BACH2: variants seen among roughly 807,000 people sequenced by gnomAD.
The protein encoded by BACH2 is BACH transcriptional regulator 2, also known as transcription regulator protein BACH2.
A neutral mutation model predicts 61.8 loss-of-function variants in BACH2; 5 were observed. That is an observed-to-expected ratio of 0.08 (90% CI 0.04 to 0.17). BACH2 has a LOEUF of 0.17. Ranked by LOEUF, BACH2 falls within the 10% of genes least tolerant of loss-of-function variation. BACH2 has a pLI of 1.00. For synonymous variants in BACH2, 446 were observed against 440.1 expected (o/e 1.01, Z -0.17); for missense variants, 824 against 1,091.1 (o/e 0.76, Z 3.45).
In BACH2 at chr6:90,204,128, G is replaced by A. The variant is rs182958620; in HGVS notation, c.-162+2441C>T. ...AAAGGAATAACAAGGACCCTAGAAC[G>A]CCAGGGCCACCCTCCATCCGAACAC... On this transcript the variant is annotated intron_variant, in intron 4 of 8. Transcript: ENST00000257749. 9.2e-5 allele frequency among the ~76,000 whole-genome samples: 14 copies of A among 152,184 alleles called. No homozygotes were observed. The East Asian group carries it at 2.7e-3, about 29-fold the overall frequency.
At chr6:90,111,249 T>TCC (rs1248290646) in intron 4 of BACH2, among the ~76,000 whole-genome samples, 2 of 152,162 alleles carry the variant, frequency 1.3e-5, no homozygotes, top group African/African-American at 4.8e-5. Context: ...CCATCTTCTG[T>TCC]CCAGGCCACC....
At chr6:90,209,068 G>C (rs1769252245) in intron 3 of BACH2, among the ~76,000 whole-genome samples, 2 of 151,402 alleles carry the variant, frequency 1.3e-5, no homozygotes, top group African/African-American at 4.9e-5. Context: ...TGGGGGGCTG[G>C]GGGAGGGATA....
intron 4 of BACH2, among the ~76,000 whole-genome samples, chr6:90,097,334 C>T (rs1201331199): frequency 6.6e-6 from 1 of 152,166 alleles, no homozygotes; most frequent in Non-Finnish European, 1.5e-5. Flanking sequence ...CCTTGGAGAT[C>T]ACTGAGTCCC....
At chr6:89,991,364 C>T (rs922708978) in intron 6 of BACH2, among the ~76,000 whole-genome samples, 1 of 152,166 alleles carries the variant, frequency 6.6e-6, no homozygotes, top group Non-Finnish European at 1.5e-5. Flanking sequence ...GGGGGTGAAT[C>T]TGGAATGTCG....
intron 4 of BACH2, among the ~76,000 whole-genome samples, chr6:90,096,389 A>G (rs1368901903): frequency 6.6e-6 from 1 of 152,154 alleles, no homozygotes; most frequent in East Asian, 1.9e-4. Context: ...GTCCTCTCCC[A>G]AACAGCTAGG....
Position 89,950,976 on chromosome 6 carries a change from G to A in BACH2, c.1130C>T (p.Thr377Ile), listed in dbSNP as rs1774060400. Residue 377 changes from threonine to isoleucine, a missense_variant, in exon 7 of 9, where the codon ACT (threonine) becomes ATT (isoleucine). Transcript: ENST00000257749. The surrounding 1 kb of genome is among the most constrained non-coding windows in gnomAD (Gnocchi z 5.3). ...GTAGTCAGTTTTAAGGTCACCCTGA[G>A]TGATCCCCTTGTCAAAAGGGCAGGC... ...SPACPFDKGI[T>I]QGDLKTDYTP... is the part of the protein sequence containing the mutation. 1 of 1,576,640 alleles carries A rather than the reference G, an allele frequency of 6.3e-7. No individual in the cohort carries two copies. The highest frequency in any genetic ancestry group is 8.6e-7 in the Non-Finnish European group (1 of 1,162,128).
intron 1 of BACH2, among the ~76,000 whole-genome samples, chr6:90,286,962 G>T (rs1772037725): frequency 6.6e-6 from 1 of 152,140 alleles, no homozygotes; most frequent in Non-Finnish European, 1.5e-5. Flanking sequence ...CAAAGGAGAG[G>T]TAGGAACTAG....
intron 3 of BACH2, among the ~76,000 whole-genome samples, chr6:90,239,881 T>TA (rs1483004937): frequency 6.8e-6 from 1 of 148,014 alleles, no homozygotes; most frequent in African/African-American, 2.5e-5. Flanking sequence ...TATTTGCTAT[T>TA]AAAAAAATTA....
chr6:90,047,540 T>G (rs565864619), intron 5 of BACH2, among the ~76,000 whole-genome samples: 4 of 152,320 alleles, frequency 2.6e-5, no homozygotes, highest in African/African-American at 9.6e-5. Flanking sequence ...GAATCACTTC[T>G]TTCCTCTACT....
At chr6:90,180,120 A>AT (rs1768108631) in intron 4 of BACH2, among the ~76,000 whole-genome samples, 1 of 152,200 alleles carries the variant, frequency 6.6e-6, no homozygotes, top group Non-Finnish European at 1.5e-5. Flanking sequence ...AACTTTAATA[A>AT]TTTCAGAAGT....
intron 4 of BACH2, among the ~76,000 whole-genome samples, chr6:90,179,486 C>A (rs978941180): frequency 6.6e-6 from 1 of 151,998 alleles, no homozygotes. Context: ...AACTGATCTA[C>A]CAAAACAAAA....
chr6:89,956,093 C>G (rs938794791), intron 6 of BACH2, among the ~76,000 whole-genome samples: 1 of 152,158 alleles, frequency 6.6e-6, no homozygotes, highest in African/African-American at 2.4e-5. Context: ...GTATGAGAAA[C>G]AAATGCAAAA....
chr6:90,161,968 C>T (rs1221512980), intron 4 of BACH2, among the ~76,000 whole-genome samples: 2 of 152,150 alleles, frequency 1.3e-5, no homozygotes, highest in Admixed American at 1.3e-4. Flanking sequence ...ACTCTGACTT[C>T]CACATAACCT....
At position 89,926,532 on chromosome 6, in the gene BACH2, T is replaced by C. The variant is rs1419099049; in HGVS notation, c.*5876A>G. ...AGGGATCAGAGGCAGAGAAAATCAG[T>C]TTACAATGCATAATGATATGTCTTT... On this transcript the variant is annotated 3_prime_UTR_variant, in exon 9 of 9. Coordinates refer to ENST00000257749, the MANE Select transcript of BACH2 (RefSeq NM_021813.4). The C allele has an allele frequency of 6.5e-6, 1 of 152,750 alleles. No individual in the cohort carries two copies. Among genetic ancestry groups the C allele is most frequent in the Non-Finnish European group, 1.5e-5 (1 of 68,040 alleles). 9.5% of individuals were successfully genotyped at this position (152,750 alleles called of 1,614,324 possible).
chr6:90,229,187 G>A (rs922273131), intron 3 of BACH2, among the ~76,000 whole-genome samples: 9 of 152,222 alleles, frequency 5.9e-5, no homozygotes, highest in African/African-American at 9.6e-5. Flanking sequence ...GAGGCTGGGC[G>A]GTGGCTCACG....
intron 4 of BACH2, among the ~76,000 whole-genome samples, chr6:90,171,826 G>C (rs192227302): frequency 2.1e-3 from 312 of 152,126 alleles, no homozygotes; most frequent in Non-Finnish European, 3.2e-3. Flanking sequence ...AAAATGACTA[G>C]GCAGATTTAA....
At chr6:89,987,388 T>C (rs1169976652) in intron 6 of BACH2, among the ~76,000 whole-genome samples, 1 of 152,120 alleles carries the variant, frequency 6.6e-6, no homozygotes, top group Middle Eastern at 3.2e-3. Flanking sequence ...GCTGTCGAAC[T>C]TAGTCCTGGC....
chr6:89,948,862 A>G (rs1773904325), intron 7 of BACH2, among the ~76,000 whole-genome samples: 1 of 152,150 alleles, frequency 6.6e-6, no homozygotes, highest in African/African-American at 2.4e-5. Context: ...GCTCCCATTC[A>G]TATTTCCTTT....
Position 90,008,317 on chromosome 6 carries a change from T to G in BACH2, c.243+285A>C, listed in dbSNP as rs1352394790. The G allele has an allele frequency of 4.2e-6, 2 of 480,060 alleles. No homozygotes were observed. Among genetic ancestry groups the G allele is most frequent in the East Asian group, 7.9e-5 (2 of 25,310 alleles). The allele number at this position is 480,060 out of a possible 1,614,324, so 29.7% of individuals were successfully genotyped here. A position where few individuals can be genotyped will look rare whatever the true frequency, so the allele number is the denominator to read the frequency against. On this transcript the variant is annotated intron_variant, in intron 6 of 8. Transcript: ENST00000257749. The surrounding 1 kb of genome is among the most constrained non-coding windows in gnomAD (Gnocchi z 4.1). ...CCCACATCTAGGACTGTGCCAAACT[T>G]AGGCTGAACCACTCAAAACCTGAAG...
Sources: allele counts gnomAD v4.1 joint callset (sites outside exome capture counted in the v4.1 genomes callset), GRCh38; gene constraint gnomAD v4.1.1; non-coding constraint Gnocchi (gnomAD v3.1); transcripts MANE v1.5; gene names NCBI Gene and HGNC (gene_info 2026-07-23, HGNC 2026-07-21).